RAI1: variants seen among roughly 807,000 people sequenced by gnomAD.
RAI1 encodes the protein retinoic acid-induced protein 1.
A neutral mutation model predicts 123.8 loss-of-function variants in RAI1; 9 were observed. That is an observed-to-expected ratio of 0.07 (90% CI 0.04 to 0.13). RAI1 has a LOEUF of 0.13. RAI1 is among the 10% of genes least tolerant of loss of function. The probability of loss-of-function intolerance (pLI) is 1.00; values close to 1 mark genes in which losing one functional copy is unlikely to be tolerated. For missense variants in RAI1, 2,256 were observed against 2,545.8 expected, an observed-to-expected ratio of 0.89 and a Z score of 2.45; for synonymous variants, 1,231 against 1,127.3, an observed-to-expected ratio of 1.09 and a Z score of -1.84.
intron 2 of RAI1, among the ~76,000 whole-genome samples, chr17:17,787,045 A>C (rs549237864): frequency 9.5e-4 from 144 of 152,338 alleles, no homozygotes; most frequent in Non-Finnish European, 1.4e-3. Context: ...CTGTCTCAAA[A>C]AAACAAACAA....
rs140970950 is a variant in RAI1, at chr17:17,803,064, G to A, written c.5566-692G>A. The stretch of plus-strand genomic sequence containing the variant: ...ACACCATTGCACTCCAGCCCCGGGG[G>A]GACAGAGTGAAATTCTGTCTCAAAA... On this transcript the variant is annotated intron_variant, in intron 3 of 5. Coordinates refer to ENST00000353383, the MANE Select transcript of RAI1 (RefSeq NM_030665.4). Among the ~76,000 whole-genome samples, 556 of 149,006 alleles carry A rather than the reference G, an allele frequency of 3.7e-3. 5 individuals carry two copies. Among genetic ancestry groups the A allele is most frequent in the South Asian group, 0.022 (101 of 4,638 alleles).
chr17:17,690,053 G>A (rs900867883), intron 1 of RAI1, among the ~76,000 whole-genome samples: 4 of 152,070 alleles, frequency 2.6e-5, no homozygotes, highest in African/African-American at 4.8e-5. Context: ...GGGAAAGTCC[G>A]CCTTTGTCTG....
chr17:17,694,759 G>GGCGAGGCGGGGC (rs1020526821), intron 1 of RAI1, among the ~76,000 whole-genome samples: 1 of 149,664 alleles, frequency 6.7e-6, no homozygotes, highest in Non-Finnish European at 1.5e-5. Flanking sequence ...CCAGGCGGGG[G>GGCGAGGCGGGGC]GCGAGGCGGG....
chr17:17,779,731 A>T (rs1268905512), intron 2 of RAI1, among the ~76,000 whole-genome samples: 2 of 144,554 alleles, frequency 1.4e-5, no homozygotes, highest in African/African-American at 5.0e-5. Flanking sequence ...GAAATCAGTG[A>T]TGGTAGGCCC....
rs958900938 is a variant in RAI1 at position 17,794,418 on chromosome 17, C to G, written c.1470C>G (p.Ala490=). 1.1e-5 allele frequency: 18 copies of G among 1,613,002 alleles called. No individual in the cohort carries two copies. The highest frequency in any genetic ancestry group is 1.5e-5 in the Non-Finnish European group (18 of 1,180,028). Residue 490 remains alanine, a synonymous_variant, in exon 3 of 6, where the codon GCC becomes GCG. Transcript: ENST00000353383. ...HCSPEGSGYS[A]EPAGTPLSEP... is the part of the protein sequence containing the mutation. ...GCCCCGAAGGGAGCGGCTACTCAGCCGAGCCCGCAGGCACACCGCTGTCAG... is the reference window on the plus strand; with the variant it reads ...GCCCCGAAGGGAGCGGCTACTCAGCGGAGCCCGCAGGCACACCGCTGTCAG...
At chr17:17,709,464 G>A (rs1426005921) in intron 1 of RAI1, among the ~76,000 whole-genome samples, 2 of 152,122 alleles carry the variant, frequency 1.3e-5, no homozygotes, top group South Asian at 2.1e-4. Context: ...TGCCTGCCTC[G>A]GCCTCCCTGC....
At position 17,797,007 on chromosome 17, in the gene RAI1, T is replaced by G; in HGVS notation, c.4059T>G (p.Pro1353=). The G allele has an allele frequency of 6.2e-7, 1 of 1,613,814 alleles. No homozygotes were observed. The highest frequency in any genetic ancestry group is 8.5e-7 in the Non-Finnish European group (1 of 1,180,028). Residue 1353 remains proline, a synonymous_variant, in exon 3 of 6, where the codon CCT becomes CCG. Coordinates refer to ENST00000353383, the MANE Select transcript of RAI1 (RefSeq NM_030665.4). The part of the protein sequence containing the change: ...KFACKAPGAS[P]GNPLSPSLSD... Reference sequence around the variant, plus strand: ...CATGTAAAGCGCCAGGGGCCTCTCCTGGTAATCCTCTGAGCCCATCCCTTT... The same window carrying G: ...CATGTAAAGCGCCAGGGGCCTCTCCGGGTAATCCTCTGAGCCCATCCCTTT...
intron 2 of RAI1, among the ~76,000 whole-genome samples, 166 bp downstream of exon 2, chr17:17,724,325 T>C (rs1201636885): frequency 6.7e-6 from 1 of 150,278 alleles, no homozygotes; most frequent in Non-Finnish European, 1.5e-5. Flanking sequence ...GGATCTTGGC[T>C]GGAGTTGCGG....
chr17:17,735,116 G>A (rs1916386963), intron 2 of RAI1, among the ~76,000 whole-genome samples: 1 of 151,838 alleles, frequency 6.6e-6, no homozygotes, highest in Non-Finnish European at 1.5e-5. Flanking sequence ...GCAATGGCAT[G>A]ATCTCAGCTC....
At position 17,735,636 on chromosome 17, in the gene RAI1, C is replaced by T. The variant is rs375506729; in HGVS notation, c.-17+11477C>T. Among the ~76,000 whole-genome samples, 193 of 152,220 alleles carry T rather than the reference C, an allele frequency of 1.3e-3. 7 individuals are homozygous for T. In the South Asian group the frequency reaches 0.039, roughly 31 times the overall value. On this transcript the variant is annotated intron_variant, in intron 2 of 5. Coordinates refer to ENST00000353383, the MANE Select transcript of RAI1 (RefSeq NM_030665.4). The stretch of plus-strand genomic sequence containing the variant: ...CCTCCCAAAGTGCTGGGAATACAGG[C>T]GTGAGCCACCGTGCCCAGCCCAAAG...
At chr17:17,807,446 C>A (rs902362023) in intron 4 of RAI1, among the ~76,000 whole-genome samples, 6 of 152,230 alleles carry the variant, frequency 3.9e-5, no homozygotes, top group Admixed American at 2.0e-4. Flanking sequence ...CCTTCCAATT[C>A]TTGTTAAGGA....
intron 3 of RAI1, among the ~76,000 whole-genome samples, chr17:17,802,378 G>C (rs2032491608): frequency 6.6e-6 from 1 of 152,194 alleles, no homozygotes; most frequent in African/African-American, 2.4e-5. Flanking sequence ...CTGCCAGAAA[G>C]GGTAGAAAAC....
In RAI1 at chr17:17,796,555, G is replaced by A. The variant is rs770159371; in HGVS notation, c.3607G>A (p.Ala1203Thr). The change falls in exon 3 of 6, where the codon GCA becomes ACA. Residue 1203 changes from alanine (A) to threonine (T), a missense_variant. By Grantham distance (58) the Ala-to-Thr change is moderately conservative. Transcript: ENST00000353383. The surrounding 1 kb of genome is among the most constrained non-coding windows in gnomAD (Gnocchi z 5.8). ...PQKEGRVSQR[A>T]RVPKPGAGSK... ...GAAGGAGGGCAGGGTGAGCCAGCGG[G>A]CAAGGGTCCCCAAACCTGGTGCAGG... 2.7e-5 allele frequency: 44 copies of A among 1,611,058 alleles called. No homozygotes were observed. The highest frequency in any genetic ancestry group is 3.3e-5 in the Admixed American group (2 of 60,030).
chr17:17,778,851 T>A (rs942443978), intron 2 of RAI1: 2 of 456,462 alleles, frequency 4.4e-6, no homozygotes, highest in African/African-American at 4.0e-5. Flanking sequence ...AGATGCTGAG[T>A]GACTAGAAGC....
At chr17:17,726,294 C>G (rs541792362) in intron 2 of RAI1, among the ~76,000 whole-genome samples, 270 of 152,324 alleles carry the variant, frequency 1.8e-3, no homozygotes, top group Non-Finnish European at 2.7e-3. Flanking sequence ...GCTCCCCACC[C>G]TTCCCACACA....
chr17:17,754,441 G>C (rs1336724769), intron 2 of RAI1, among the ~76,000 whole-genome samples: 2 of 151,984 alleles, frequency 1.3e-5, no homozygotes, highest in African/African-American at 2.4e-5. Context: ...TCTCCATGTT[G>C]GTCAGGCTGG....
Position 17,811,449 on chromosome 17 carries a change from G to GA in RAI1, c.*1472dup, listed in dbSNP as rs2032819264. On this transcript the variant is annotated 3_prime_UTR_variant, in exon 6 of 6. Coordinates refer to ENST00000353383, the MANE Select transcript of RAI1 (RefSeq NM_030665.4). ...CAATAAAGATACAACGATTGTTTTG[G>GA]AAAATCTGCAGCCCGTGGATTCCGA... 1 of 222,140 alleles carries GA rather than the reference G, an allele frequency of 4.5e-6. No homozygotes were observed. The highest frequency in any genetic ancestry group is 4.3e-5 in the South Asian group (1 of 23,232). The allele number at this position is 222,140 out of a possible 1,614,324, so 13.8% of individuals were successfully genotyped here.
intron 4 of RAI1, among the ~76,000 whole-genome samples, chr17:17,805,858 C>T (rs967156541): frequency 3.3e-5 from 5 of 152,138 alleles, no homozygotes; most frequent in Admixed American, 1.3e-4. Flanking sequence ...TCACATTCCT[C>T]CTTCCACAGT....
At chr17:17,705,127 A>T (rs1182198730) in intron 1 of RAI1, among the ~76,000 whole-genome samples, 1 of 152,236 alleles carries the variant, frequency 6.6e-6, no homozygotes, top group Admixed American at 6.5e-5. Context: ...CAACATGGCT[A>T]GCACATCCTG....
Sources: allele counts gnomAD v4.1 joint callset (sites outside exome capture counted in the v4.1 genomes callset), GRCh38; gene constraint gnomAD v4.1.1; non-coding constraint Gnocchi (gnomAD v3.1); transcripts MANE v1.5; gene names NCBI Gene and HGNC (gene_info 2026-07-23, HGNC 2026-07-21).